The following LGALS12 variants were observed in gnomAD, a reference collection of about 807,000 sequenced individuals.
The protein encoded by LGALS12 is galectin-12.
Under a neutral mutation model 36.8 loss-of-function variants are expected in LGALS12, and 36 were observed. The observed-to-expected ratio is 0.98, with a 90% CI of 0.75 to 1.29. LGALS12 has a LOEUF of 1.29. Among genes scored for constraint, LGALS12 ranks in the 50% most tolerant of loss-of-function variants. The probability of loss-of-function intolerance (pLI) is 0.00; values close to 1 mark genes in which losing one functional copy is unlikely to be tolerated. For synonymous variants in LGALS12, 145 were observed against 155.9 expected (o/e 0.93, Z 0.52); for missense variants, 366 against 394.3 (o/e 0.93, Z 0.61).
chr11:63,506,385 T>G lies in LGALS12; in HGVS notation c.-74T>G. 1.2e-6 allele frequency: 2 copies of G among 1,614,124 alleles called. No individual in the cohort carries two copies. The highest frequency in any genetic ancestry group is 1.7e-6 in the Non-Finnish European group (2 of 1,180,004). ...TGCTCCAGGCATTTAGGACCCTGAC[T>G]GGGGCAGATGAGTCAGCCCAGTGGG... is the stretch of plus-strand genomic sequence containing the variant. On this transcript the variant is annotated 5_prime_UTR_variant, in exon 1 of 9. Coordinates refer to ENST00000394618, the MANE Select transcript of LGALS12 (RefSeq NM_033101.4).
At chr11:63,511,563 A>G (rs781236519) in intron 6 of LGALS12, among the ~76,000 whole-genome samples, 189 bp from the exon 7 acceptor site, 1 of 152,170 alleles carries the variant, frequency 6.6e-6, no homozygotes, top group Non-Finnish European at 1.5e-5. Flanking sequence ...CTCAGCCTGG[A>G]CAGGCCGGGG....
Position 63,508,597 on chromosome 11 carries a change from C to A in LGALS12, c.114C>A (p.Gly38=). ...CGATTTTTGGAGGCCTGCATGCAGGCAAGATGGTCATGCTGCAAGGAGTGG... is the reference window on the plus strand; with the variant it reads ...CGATTTTTGGAGGCCTGCATGCAGGAAAGATGGTCATGCTGCAAGGAGTGG... The part of the protein sequence containing the change: ...VTTIFGGLHA[G]KMVMLQGVVP... The change falls in exon 2 of 9, where the codon GGC becomes GGA. Residue 38 remains glycine (G), a synonymous_variant. Coordinates refer to ENST00000394618, the MANE Select transcript of LGALS12 (RefSeq NM_033101.4). 1.2e-6 allele frequency: 2 copies of A among 1,614,132 alleles called. No homozygotes were observed. Among genetic ancestry groups the A allele is most frequent in the Non-Finnish European group, 1.7e-6 (2 of 1,180,022 alleles).
At chr11:63,510,184 T>C (rs1474608845) in intron 4 of LGALS12, among the ~76,000 whole-genome samples, 2 of 152,138 alleles carry the variant, frequency 1.3e-5, no homozygotes, top group African/African-American at 4.8e-5. Flanking sequence ...TTTGGCACAC[T>C]GGGGGCCGAA....
chr11:63,510,009 G>C lies in LGALS12; in HGVS notation c.492+112G>C, dbSNP rs969069173. On this transcript the variant is annotated intron_variant, in intron 4 of 8. Coordinates refer to ENST00000394618, the MANE Select transcript of LGALS12 (RefSeq NM_033101.4). Reference sequence around the variant, plus strand: ...CCTAGACTGAGAGAGAGGACGCCCTGTGCACCAGTAATAGCCAAGGGGGAG... The same window carrying C: ...CCTAGACTGAGAGAGAGGACGCCCTCTGCACCAGTAATAGCCAAGGGGGAG... 2.5e-5 allele frequency: 33 copies of C among 1,316,432 alleles called. No homozygotes were observed. The African/African-American group carries it at 4.4e-4, about 18-fold the overall frequency. The allele number at this position is 1,316,432 out of a possible 1,614,324, so 81.5% of individuals were successfully genotyped here.
chr11:63,508,349 G>A, intron 1 of LGALS12: 1 of 1,423,744 alleles, frequency 7.0e-7, no homozygotes, highest in Non-Finnish European at 9.1e-7. Flanking sequence ...CTGGTGTAAT[G>A]CAGCTTTGCC....
At chr11:63,509,124 G>T (rs1258855158) in intron 3 of LGALS12, 133 bp downstream of exon 3, 5 of 747,564 alleles carry the variant, frequency 6.7e-6, no homozygotes, top group African/African-American at 1.8e-5. Flanking sequence ...CCAAGGAGCT[G>T]CCATGCCCGG....
Position 63,506,559 on chromosome 11 carries a change from G to A in LGALS12, c.69+32G>A, listed in dbSNP as rs111363197. The stretch of plus-strand genomic sequence containing the variant: ...TGTCACTCTAATGTGGAACCTCCTC[G>A]GTCTCTGGGCTCTTCCCTTCCAACT... On this transcript the variant is annotated intron_variant, in intron 1 of 8. Coordinates refer to ENST00000394618, the MANE Select transcript of LGALS12 (RefSeq NM_033101.4). 1,832 of 1,613,792 alleles carry A rather than the reference G, an allele frequency of 1.1e-3. 18 individuals are homozygous for A. The African/African-American group carries it at 0.021, about 19-fold the overall frequency.
intron 4 of LGALS12, among the ~76,000 whole-genome samples, chr11:63,510,133 T>C (rs1046869522): frequency 2.0e-5 from 3 of 152,008 alleles, no homozygotes; most frequent in Non-Finnish European, 2.9e-5. Context: ...CTGTAACCAG[T>C]GTGGGTCTGG....
intron 7 of LGALS12, among the ~76,000 whole-genome samples, chr11:63,512,515 G>A (rs1325548251): frequency 6.6e-6 from 1 of 152,184 alleles, no homozygotes; most frequent in Non-Finnish European, 1.5e-5. Flanking sequence ...GATAGGCCGG[G>A]CGCGGTGGCT....
intron 1 of LGALS12, chr11:63,508,237 T>A: frequency 8.3e-7 from 1 of 1,210,858 alleles, no homozygotes; most frequent in Non-Finnish European, 1.0e-6. Flanking sequence ...ATCTAGTGGA[T>A]GGCAAGCCTC....
chr11:63,506,657 T>C, intron 1 of LGALS12, 130 bp downstream of exon 1: 1 of 1,192,536 alleles, frequency 8.4e-7, no homozygotes. Flanking sequence ...TGCCCTGGGT[T>C]CTGGAAGGCC....
At chr11:63,509,190 C>A (rs1022886887) in intron 3 of LGALS12, among the ~76,000 whole-genome samples, 199 bp downstream of exon 3, 1 of 152,192 alleles carries the variant, frequency 6.6e-6, no homozygotes, top group Admixed American at 6.5e-5. Context: ...TGCCTGGCTC[C>A]AAAGAGGGCA....
Position 63,511,060 on chromosome 11 carries a change from C to G in LGALS12, c.532-19C>G, listed in dbSNP as rs1590647791. The G allele has an allele frequency of 6.2e-7, 1 of 1,613,360 alleles. No individual in the cohort carries two copies. On this transcript the variant is annotated intron_variant, in intron 5 of 8. Transcript: ENST00000394618. Reference sequence around the variant, plus strand: ...CAAATACCACATGGCCTTGTGTCCTCTCTTTCTTTCCCTGACAGCCTTTCC... The same window carrying G: ...CAAATACCACATGGCCTTGTGTCCTGTCTTTCTTTCCCTGACAGCCTTTCC...
chr11:63,510,967 G>T, intron 5 of LGALS12, 112 bp from the exon 6 acceptor site: 1 of 1,053,102 alleles, frequency 9.5e-7, no homozygotes, highest in South Asian at 1.3e-5. Context: ...CTCACCTACT[G>T]CTGTGAGAGA....
chr11:63,509,613 T>C (rs2016853610), intron 3 of LGALS12, among the ~76,000 whole-genome samples, 165 bp from the exon 4 acceptor site: 1 of 152,164 alleles, frequency 6.6e-6, no homozygotes, highest in South Asian at 2.1e-4. Flanking sequence ...CTTTGGAAGA[T>C]TACTTAAGCC....
At chr11:63,509,566 G>A (rs772216469) in intron 3 of LGALS12, among the ~76,000 whole-genome samples, 2 of 152,184 alleles carry the variant, frequency 1.3e-5, no homozygotes, top group Non-Finnish European at 1.5e-5. Flanking sequence ...TAGAGGGAGC[G>A]TTGAAGGTGC....
At position 63,508,601 on chromosome 11, in the gene LGALS12, A is replaced by G. The variant is rs2016814409; in HGVS notation, c.118A>G (p.Met40Val). ...TTTTGGAGGCCTGCATGCAGGCAAG[A>G]TGGTCATGCTGCAAGGAGTGGTCCC... ...TIFGGLHAGK[M>V]VMLQGVVPLD... The change falls in exon 2 of 9, where the codon ATG becomes GTG. Residue 40 changes from methionine to valine, a missense_variant. Physicochemically the swap from Met to Val is conservative, Grantham distance 21. Transcript: ENST00000394618. 6.2e-7 allele frequency: 1 copy of G among 1,614,090 alleles called. No homozygotes were observed.
rs769727603 is a variant in LGALS12, at chr11:63,508,600, G to A, written c.117G>A (p.Lys39=). 3.1e-6 allele frequency: 5 copies of A among 1,614,164 alleles called. No homozygotes were observed. Among genetic ancestry groups the A allele is most frequent in the East Asian group, 2.2e-5 (1 of 44,872 alleles). The change falls in exon 2 of 9, where the codon AAG becomes AAA. Residue 39 remains lysine (K), a synonymous_variant. Transcript: ENST00000394618. ...TTIFGGLHAG[K]MVMLQGVVPL... Reference sequence around the variant, plus strand: ...TTTTTGGAGGCCTGCATGCAGGCAAGATGGTCATGCTGCAAGGAGTGGTCC... The same window carrying A: ...TTTTTGGAGGCCTGCATGCAGGCAAAATGGTCATGCTGCAAGGAGTGGTCC...
chr11:63,509,754 G>A (rs78705873), intron 3 of LGALS12, 24 bp from the exon 4 acceptor site: 202 of 1,612,580 alleles, frequency 1.3e-4, no homozygotes, highest in Non-Finnish European at 1.5e-4. Context: ...CTGCTGATAA[G>A]CCAGCCTCTG....
Sources: allele counts gnomAD v4.1 joint callset (sites outside exome capture counted in the v4.1 genomes callset), GRCh38; gene constraint gnomAD v4.1.1; transcripts MANE v1.5; gene names NCBI Gene and HGNC (gene_info 2026-07-23, HGNC 2026-07-21).